Variants in CCSER1 observed in about 807,000 individuals in gnomAD.
CCSER1 encodes the protein coiled-coil serine rich protein 1, also known as serine-rich coiled-coil domain-containing protein 1.
CCSER1 carries 41 observed loss-of-function variants against 82.0 expected under a neutral mutation model. The ratio of observed to expected loss-of-function variants is 0.50; its 90% CI spans 0.39 to 0.65. The LOEUF (loss-of-function observed/expected upper bound fraction) is 0.65. Among genes scored for constraint, CCSER1 ranks in the 30% least tolerant of loss-of-function variants. CCSER1 has a pLI of 0.00. For synonymous variants in CCSER1, 414 were observed against 383.9 expected (o/e 1.08, Z -0.92); for missense variants, 1,119 against 1,064.2 (o/e 1.05, Z -0.72).
intron 10 of CCSER1, among the ~76,000 whole-genome samples, chr4:91,376,883 A>G (rs1336320265): frequency 6.1e-5 from 8 of 132,154 alleles, no homozygotes; most frequent in African/African-American, 2.3e-4. Flanking sequence ...CATTAGGTAT[A>G]TCTCCTAATA....
At chr4:91,596,097 C>T (rs949147679) in intron 10 of CCSER1, among the ~76,000 whole-genome samples, 3 of 151,878 alleles carry the variant, frequency 2.0e-5, no homozygotes, top group African/African-American at 4.8e-5. Flanking sequence ...GATAGTAGAT[C>T]CACATGTGCC....
At chr4:90,784,826 T>C (rs1473501725) in intron 7 of CCSER1, among the ~76,000 whole-genome samples, 1 of 152,184 alleles carries the variant, frequency 6.6e-6, no homozygotes, top group Admixed American at 6.5e-5. Context: ...ATGTATTATA[T>C]ACTGTATTCT....
intron 10 of CCSER1, among the ~76,000 whole-genome samples, chr4:91,423,260 T>C (rs1753781576): frequency 6.7e-6 from 1 of 149,564 alleles, no homozygotes; most frequent in African/African-American, 2.5e-5. Context: ...AACCCGTCTC[T>C]ACTTAAAAAA....
At chr4:90,221,967 G>GT (rs1560823034) in intron 1 of CCSER1, among the ~76,000 whole-genome samples, 1 of 152,064 alleles carries the variant, frequency 6.6e-6, no homozygotes, top group Non-Finnish European at 1.5e-5. Context: ...GTTATTCTTT[G>GT]TTTTTTCTTT....
rs78948580 is a variant in CCSER1 at position 90,545,684 on chromosome 4, C to T, written c.1724+77330C>T. The stretch of plus-strand genomic sequence containing the variant: ...ACTTTCATGGATCCAAAAGGAAAAG[C>T]GATGCTTCTTTTTATCCATTTGGTT... On this transcript the variant is annotated intron_variant, in intron 5 of 10. Transcript: ENST00000509176. Among the ~76,000 whole-genome samples, 39 of 152,174 alleles carry T rather than the reference C, an allele frequency of 2.6e-4. No individual in the cohort carries two copies. In the East Asian group the frequency reaches 4.4e-3, roughly 17 times the overall value.
At chr4:91,116,357 G>T (rs1726597015) in intron 10 of CCSER1, among the ~76,000 whole-genome samples, 1 of 152,166 alleles carries the variant, frequency 6.6e-6, no homozygotes, top group African/African-American at 2.4e-5. Context: ...TGTGCCGCTT[G>T]CAAGCTCTGA....
intron 10 of CCSER1, among the ~76,000 whole-genome samples, chr4:91,334,880 T>A (rs75580008): frequency 0.058 from 8,794 of 152,004 alleles, 319 homozygotes; most frequent in South Asian, 0.11. Flanking sequence ...GAAGATACAT[T>A]TATTCAGGTC....
intron 10 of CCSER1, among the ~76,000 whole-genome samples, chr4:91,189,723 G>A (rs558931154): frequency 2.3e-4 from 35 of 151,326 alleles, no homozygotes; most frequent in Middle Eastern, 3.4e-3. Context: ...TATATATATT[G>A]TATATAAAGG....
chr4:90,872,961 T>C (rs1475113851), intron 8 of CCSER1, among the ~76,000 whole-genome samples: 3 of 152,030 alleles, frequency 2.0e-5, no homozygotes, highest in Non-Finnish European at 2.9e-5. Flanking sequence ...CTTCTTTGTA[T>C]GTTACTTGTT....
intron 7 of CCSER1, among the ~76,000 whole-genome samples, chr4:90,729,982 C>G (rs982370846): frequency 6.6e-6 from 1 of 152,204 alleles, no homozygotes; most frequent in Non-Finnish European, 1.5e-5. Flanking sequence ...CAAACCACCA[C>G]AGTAACGTAA....
intron 10 of CCSER1, among the ~76,000 whole-genome samples, chr4:91,107,257 A>G (rs1220642878): frequency 6.6e-6 from 1 of 151,834 alleles, no homozygotes; most frequent in Non-Finnish European, 1.5e-5. Context: ...CTGACAATGC[A>G]TTTCTTTTTT....
chr4:90,502,522 C>A (rs1770056572), intron 5 of CCSER1, among the ~76,000 whole-genome samples: 1 of 152,072 alleles, frequency 6.6e-6, no homozygotes, highest in African/African-American at 2.4e-5. Context: ...AGTAGCACAG[C>A]AAATTGTACA....
intron 10 of CCSER1, among the ~76,000 whole-genome samples, chr4:91,382,180 C>T (rs938631914): frequency 3.9e-5 from 6 of 152,044 alleles, no homozygotes; most frequent in Non-Finnish European, 2.9e-5. Context: ...GGGGGTTCCT[C>T]CCAGTTAGGC....
chr4:90,315,184 A>C (rs1214157524), intron 3 of CCSER1, among the ~76,000 whole-genome samples: 1 of 152,042 alleles, frequency 6.6e-6, no homozygotes, highest in Non-Finnish European at 1.5e-5. Flanking sequence ...AACTTAAGAA[A>C]CAAAAGTGGT....
chr4:91,202,178 C>CA (rs1262512718), intron 10 of CCSER1, among the ~76,000 whole-genome samples: 2,611 of 87,500 alleles, frequency 0.03, 63 homozygotes, highest in African/African-American at 0.068. Context: ...AAATAACTGT[C>CA]AAAAAAAAAA....
intron 9 of CCSER1, among the ~76,000 whole-genome samples, chr4:90,965,830 G>A (rs1312797367): frequency 2.0e-5 from 3 of 152,098 alleles, no homozygotes; most frequent in Non-Finnish European, 4.4e-5. Context: ...CCTATTTTAT[G>A]TATTTAAGAA....
At chr4:90,284,836 T>G (rs138212589) in intron 1 of CCSER1, among the ~76,000 whole-genome samples, 1 of 151,904 alleles carries the variant, frequency 6.6e-6, no homozygotes, top group Non-Finnish European at 1.5e-5. Context: ...GGTCTAGTTT[T>G]ATTCTTCTGC....
At chr4:90,385,939 A>G (rs551291340) in intron 3 of CCSER1, among the ~76,000 whole-genome samples, 1 of 152,202 alleles carries the variant, frequency 6.6e-6, no homozygotes, top group Non-Finnish European at 1.5e-5. Flanking sequence ...ACCTGAGAGT[A>G]TGTTTAACCA....
chr4:90,488,919 G>A (rs547381747), intron 5 of CCSER1, among the ~76,000 whole-genome samples: 2 of 152,262 alleles, frequency 1.3e-5, no homozygotes, highest in South Asian at 4.2e-4. Context: ...AGAGGTTTGA[G>A]GAGGGATTAA....
Sources: allele counts gnomAD v4.1 joint callset (sites outside exome capture counted in the v4.1 genomes callset), GRCh38; gene constraint gnomAD v4.1.1; transcripts MANE v1.5; gene names NCBI Gene and HGNC (gene_info 2026-07-23, HGNC 2026-07-21).